Variants in DMD observed in about 807,000 individuals in gnomAD.
DMD encodes the protein dystrophin, also known as mutant dystrophin.
Under a neutral mutation model 330.1 loss-of-function variants are expected in DMD, and 63 were observed. The ratio of observed to expected loss-of-function variants is 0.19; its 90% CI spans 0.16 to 0.24. DMD has a LOEUF of 0.24. DMD is among the 10% of genes least tolerant of loss of function. The pLI is 1.00. For missense variants in DMD, 3,344 were observed against 2,684.1 expected (o/e 1.25, Z -5.43); for synonymous variants, 1,223 against 959.8 (o/e 1.27, Z -5.07).
rs72466571 is a variant in DMD at position 31,479,352 on chromosome X, A to G, written c.8548-249T>C. ...CATTCTGGATAGTTAATGCCCTCTC[A>G]TTGAGATAAGAGTGCTTTGTTTATG... On this transcript the variant is annotated intron_variant, in intron 57 of 78. Coordinates refer to ENST00000357033, the MANE Select transcript of DMD (RefSeq NM_004006.3). Among the ~76,000 whole-genome samples the G allele has an allele frequency of 0.044, 4,918 of 111,729 alleles. 200 individuals carry two copies. Among genetic ancestry groups the G allele is most frequent in the African/African-American group, 0.12 (3,814 of 30,664 alleles).
At chrX:31,987,163 G>A (rs1054722520) in intron 44 of DMD, among the ~76,000 whole-genome samples, 32 of 111,831 alleles carry the variant, frequency 2.9e-4, no homozygotes, top group African/African-American at 9.4e-4. Flanking sequence ...ACAAAACTCA[G>A]CATGCTTTGC....
chrX:32,205,004 C>CA (rs1569550726), intron 44 of DMD, among the ~76,000 whole-genome samples: 1 of 47,833 alleles, frequency 2.1e-5, no homozygotes. Context: ...CTCTCTCTCT[C>CA]TCACATACAC....
intron 1 of DMD, among the ~76,000 whole-genome samples, chrX:33,080,334 C>A (rs1386849521): frequency 9.0e-6 from 1 of 111,093 alleles, no homozygotes; most frequent in Non-Finnish European, 1.9e-5. Context: ...TTTGCTTAAA[C>A]CCTCAGTTTC....
intron 7 of DMD, among the ~76,000 whole-genome samples, chrX:32,746,889 T>G (rs1274997515): frequency 9.0e-6 from 1 of 111,488 alleles, no homozygotes; most frequent in Non-Finnish European, 1.9e-5. Flanking sequence ...CGGCTTCTGC[T>G]AACCACTATT....
intron 1 of DMD, among the ~76,000 whole-genome samples, chrX:33,142,627 G>GAA (rs2047855893): frequency 8.9e-6 from 1 of 112,069 alleles, no homozygotes. Flanking sequence ...CCGAATAAAT[G>GAA]AAAGTGACAG....
intron 4 of DMD, among the ~76,000 whole-genome samples, chrX:32,833,002 T>C (rs1210240222): frequency 8.9e-6 from 1 of 111,742 alleles, no homozygotes; most frequent in East Asian, 2.8e-4. Context: ...TAATTCTGGG[T>C]ACTCACTACA....
chrX:32,696,446 A>G (rs2063661473), intron 9 of DMD, among the ~76,000 whole-genome samples: 2 of 112,218 alleles, frequency 1.8e-5, no homozygotes, highest in Admixed American at 9.5e-5. Context: ...TATTTTAAAT[A>G]AAACAAGTAA....
intron 61 of DMD, among the ~76,000 whole-genome samples, chrX:31,346,073 A>G (rs1270607473): frequency 9.0e-6 from 1 of 111,263 alleles, no homozygotes; most frequent in Non-Finnish European, 1.9e-5. Flanking sequence ...AAAGGAAATG[A>G]TCAGAAAATG....
At chrX:32,474,440 T>C (rs1350988756) in intron 21 of DMD, among the ~76,000 whole-genome samples, 1 of 111,996 alleles carries the variant, frequency 8.9e-6, no homozygotes, top group Non-Finnish European at 1.9e-5. Context: ...ATCTCCACAC[T>C]CTTTTCCATA....
chrX:32,115,816 A>T (rs1382983135), intron 44 of DMD, among the ~76,000 whole-genome samples: 3 of 111,458 alleles, frequency 2.7e-5, no homozygotes, highest in Non-Finnish European at 5.6e-5. Context: ...CCTAAATACC[A>T]GCTCTCTAAC....
intron 2 of DMD, among the ~76,000 whole-genome samples, chrX:33,000,498 ATGTT>A (rs959456581): frequency 2.7e-5 from 3 of 111,479 alleles, no homozygotes; most frequent in Admixed American, 9.6e-5. Context: ...GACCCATGGG[ATGTT>A]GGTGGAGGTG....
intron 49 of DMD, among the ~76,000 whole-genome samples, chrX:31,831,829 C>T (rs1393716069): frequency 4.4e-5 from 5 of 112,360 alleles, no homozygotes; most frequent in Non-Finnish European, 9.4e-5. Context: ...GTCTCGATCT[C>T]CTGACTTTGT....
At chrX:31,447,982 G>A (rs1300419212) in intron 59 of DMD, among the ~76,000 whole-genome samples, 1 of 92,849 alleles carries the variant, frequency 1.1e-5, no homozygotes, top group Non-Finnish European at 2.0e-5. Context: ...ACTCACTCCA[G>A]CCTGGGTGAC....
rs144890737 is a variant in DMD, at chrX:32,416,123, T to C, written c.4072-4210A>G. The stretch of plus-strand genomic sequence containing the variant: ...TGCATGTGAAATAAAAAACCGAATA[T>C]TGAAACCAAAAAATGTATTTAACAT... On this transcript the variant is annotated intron_variant, in intron 29 of 78. Coordinates refer to ENST00000357033, the MANE Select transcript of DMD (RefSeq NM_004006.3). Among the ~76,000 whole-genome samples the C allele has an allele frequency of 6.9e-3, 767 of 111,621 alleles. 4 individuals are homozygous for C. In the South Asian group the frequency reaches 0.07, roughly 10 times the overall value.
intron 51 of DMD, among the ~76,000 whole-genome samples, chrX:31,736,506 A>G (rs1246011726): frequency 8.9e-6 from 1 of 111,852 alleles, no homozygotes; most frequent in East Asian, 2.8e-4. Flanking sequence ...GCTAAGTGTT[A>G]GCTGTTTCCA....
intron 57 of DMD, among the ~76,000 whole-genome samples, chrX:31,483,427 T>C (rs2068539914): frequency 8.9e-6 from 1 of 112,234 alleles, no homozygotes; most frequent in African/African-American, 3.2e-5. Flanking sequence ...TATTTGATGA[T>C]ATAATTCCAT....
intron 48 of DMD, among the ~76,000 whole-genome samples, chrX:31,858,287 T>C (rs760786241): frequency 8.9e-6 from 1 of 111,873 alleles, no homozygotes; most frequent in Non-Finnish European, 1.9e-5. Flanking sequence ...GATGATTACA[T>C]CTTCATTGGA....
At chrX:31,583,296 T>C (rs2076425178) in intron 55 of DMD, among the ~76,000 whole-genome samples, 1 of 111,545 alleles carries the variant, frequency 9.0e-6, no homozygotes, top group Admixed American at 9.5e-5. Flanking sequence ...AGATGTGGCA[T>C]GGAAAGTGAA....
intron 7 of DMD, among the ~76,000 whole-genome samples, chrX:32,723,904 T>A (rs926542957): frequency 1.8e-5 from 2 of 110,416 alleles, no homozygotes; most frequent in African/African-American, 6.6e-5. Context: ...AAAAATCTCA[T>A]AATGTTTTAA....
Sources: gnomAD v4.1 joint callset for allele counts (sites outside exome capture counted in the v4.1 genomes callset) on GRCh38, gnomAD v4.1.1 for gene constraint, MANE v1.5 for transcripts, NCBI Gene and HGNC (gene_info 2026-07-23, HGNC 2026-07-21) for gene names.